The following ADGRL2 variants were observed in gnomAD, a reference collection of about 807,000 sequenced individuals.
ADGRL2 encodes adhesion G protein-coupled receptor L2, also known as calcium-independent alpha-latrotoxin receptor 2.
ADGRL2 carries 44 observed loss-of-function variants against 157.4 expected under a neutral mutation model. The ratio of observed to expected loss-of-function variants is 0.28; its 90% CI spans 0.22 to 0.36. The LOEUF is 0.36. ADGRL2 is among the 10% of genes least tolerant of loss of function. The pLI, the probability that ADGRL2 is intolerant of heterozygous loss-of-function variation, is 1.00. For synonymous variants in ADGRL2, 585 were observed against 624.7 expected (o/e 0.94, Z 0.95); for missense variants, 1,510 against 1,768.9 (o/e 0.85, Z 2.63).
intron 1 of ADGRL2, among the ~76,000 whole-genome samples, chr1:81,343,904 A>C (rs565004707): frequency 6.6e-6 from 1 of 152,262 alleles, no homozygotes; most frequent in South Asian, 2.1e-4. Flanking sequence ...GGACTTCAAC[A>C]TATAAATTTT....
At chr1:81,644,955 T>C (rs1204450735) in intron 3 of ADGRL2, among the ~76,000 whole-genome samples, 1 of 152,252 alleles carries the variant, frequency 6.6e-6, no homozygotes, top group Non-Finnish European at 1.5e-5. Flanking sequence ...TTCACTGCCA[T>C]ATAGTTTTAC....
chr1:81,810,703 G>A (rs191775146), intron 1 of ADGRL2, among the ~76,000 whole-genome samples: 76 of 151,748 alleles, frequency 5.0e-4, no homozygotes, highest in African/African-American at 1.7e-3. Flanking sequence ...TTAGTTTGAT[G>A]AAGGCTTAAT....
intron 1 of ADGRL2, among the ~76,000 whole-genome samples, chr1:81,725,919 G>A (rs1238288701): frequency 6.6e-6 from 1 of 152,140 alleles, no homozygotes. Flanking sequence ...GGAGGCGGAG[G>A]TTGCAGTGAG....
chr1:81,553,337 A>T (rs1012023598), intron 2 of ADGRL2, among the ~76,000 whole-genome samples: 1 of 152,178 alleles, frequency 6.6e-6, no homozygotes, highest in African/African-American at 2.4e-5. Context: ...AAATTTAAGC[A>T]CCCGGTTTTT....
rs1171591047 is a variant in ADGRL2, at chr1:81,984,570, T to C, written c.3283-13T>C. ...TTATATTAATCCCTTGGTCTTGTGA[T>C]TATTCAATGCAGGTACGAAAAGAAT... On this transcript the variant is annotated splice_polypyrimidine_tract_variant and intron_variant, in intron 19 of 23. Transcript: ENST00000686636. The C allele has an allele frequency of 6.3e-7, 1 of 1,586,720 alleles. No individual in the cohort carries two copies. Among genetic ancestry groups the C allele is most frequent in the Non-Finnish European group, 8.6e-7 (1 of 1,160,560 alleles).
At chr1:81,853,526 G>T (rs958473419) in intron 2 of ADGRL2, among the ~76,000 whole-genome samples, 2 of 152,112 alleles carry the variant, frequency 1.3e-5, no homozygotes, top group Non-Finnish European at 2.9e-5. Flanking sequence ...AAAAGTGGAG[G>T]TTGGTGTTTT....
At chr1:81,653,963 G>T (rs527549905) in intron 3 of ADGRL2, among the ~76,000 whole-genome samples, 1 of 151,934 alleles carries the variant, frequency 6.6e-6, no homozygotes, top group South Asian at 2.1e-4. Context: ...AATTGAGACA[G>T]AGTCTCATTC....
chr1:81,534,717 T>A (rs563121742), intron 2 of ADGRL2, among the ~76,000 whole-genome samples: 1 of 152,220 alleles, frequency 6.6e-6, no homozygotes, highest in East Asian at 1.9e-4. Flanking sequence ...AGTTTCTGAC[T>A]ACCTCCCGCT....
chr1:81,490,464 G>A (rs2078608126), intron 2 of ADGRL2, among the ~76,000 whole-genome samples: 1 of 152,052 alleles, frequency 6.6e-6, no homozygotes, highest in Non-Finnish European at 1.5e-5. Context: ...ATTAGAAAAA[G>A]GAAGCAGCCT....
intron 3 of ADGRL2, among the ~76,000 whole-genome samples, chr1:81,924,594 C>G (rs2095061947): frequency 6.6e-6 from 1 of 152,022 alleles, no homozygotes; most frequent in Admixed American, 6.6e-5. Flanking sequence ...ATCAGATTCT[C>G]TGGGCCTTAG....
At chr1:81,829,062 C>T (rs1557725423) in intron 1 of ADGRL2, among the ~76,000 whole-genome samples, 1 of 152,096 alleles carries the variant, frequency 6.6e-6, no homozygotes, top group African/African-American at 2.4e-5. Flanking sequence ...CAGGCGCCTG[C>T]CACCATGCCT....
chr1:81,774,221 C>T (rs1234013202), intron 2 of ADGRL2, among the ~76,000 whole-genome samples: 1 of 152,218 alleles, frequency 6.6e-6, no homozygotes, highest in Non-Finnish European at 1.5e-5. Context: ...CAATCTAACC[C>T]TAAAATACAT....
At chr1:81,307,744 G>T (rs1659445763) in intron 1 of ADGRL2, among the ~76,000 whole-genome samples, 1 of 151,924 alleles carries the variant, frequency 6.6e-6, no homozygotes, top group Non-Finnish European at 1.5e-5. Context: ...GTAGATACTT[G>T]TAGTTAGTGA....
intron 1 of ADGRL2, among the ~76,000 whole-genome samples, chr1:81,709,232 C>T (rs769817032): frequency 3.9e-5 from 6 of 151,970 alleles, no homozygotes; most frequent in Admixed American, 6.6e-5. Flanking sequence ...CTGCAAAAGC[C>T]GAAATTACTT....
intron 2 of ADGRL2, among the ~76,000 whole-genome samples, chr1:81,767,179 T>G (rs1248624006): frequency 6.6e-6 from 1 of 152,334 alleles, no homozygotes; most frequent in East Asian, 1.9e-4. Context: ...TGGCTATAAT[T>G]CATTAGTTTA....
chr1:81,625,966 T>C (rs1304318864), intron 3 of ADGRL2, among the ~76,000 whole-genome samples: 1 of 152,202 alleles, frequency 6.6e-6, no homozygotes, highest in Non-Finnish European at 1.5e-5. Flanking sequence ...TTCTTTCATT[T>C]GCCTTTGAAG....
chr1:81,556,312 ATTTTTTTTTT>A (rs145670261), intron 2 of ADGRL2, among the ~76,000 whole-genome samples: 1 of 87,132 alleles, frequency 1.1e-5, no homozygotes, highest in East Asian at 3.7e-4. Flanking sequence ...GGCTGTCACA[ATTTTTTTTTT>A]TTTTTTTTTT....
chr1:81,427,317 G>C, intron 1 of ADGRL2: 1 of 724,662 alleles, frequency 1.4e-6, no homozygotes, highest in Non-Finnish European at 2.5e-6. Context: ...AACTATGACA[G>C]TCGTCCTGGT....
At chr1:81,725,582 GC>G (rs1229908495) in intron 1 of ADGRL2, among the ~76,000 whole-genome samples, 1 of 151,816 alleles carries the variant, frequency 6.6e-6, no homozygotes, top group Non-Finnish European at 1.5e-5. Flanking sequence ...TTGCATTTGA[GC>G]TTGTGTGTTA....
Sources: gnomAD v4.1 joint callset for allele counts (sites outside exome capture counted in the v4.1 genomes callset) on GRCh38, gnomAD v4.1.1 for gene constraint, MANE v1.5 for transcripts, NCBI Gene and HGNC (gene_info 2026-07-23, HGNC 2026-07-21) for gene names.